FANCE: variants seen among roughly 807,000 people sequenced by gnomAD.
FANCE encodes FA complementation group E.
FANCE carries 42 observed loss-of-function variants against 57.8 expected under a neutral mutation model. The observed-to-expected ratio is 0.73, with a 90% CI of 0.57 to 0.94. FANCE has a LOEUF of 0.94. Ranked by LOEUF, FANCE falls within the 40% of genes least tolerant of loss-of-function variation. The pLI is 0.00. For synonymous variants in FANCE, 251 were observed against 286.4 expected, an observed-to-expected ratio of 0.88 and a Z score of 1.25; for missense variants, 608 against 661.8, an observed-to-expected ratio of 0.92 and a Z score of 0.89.
At position 35,462,880 on chromosome 6, in the gene FANCE, T is replaced by C. The variant is rs753663851; in HGVS notation, c.1475T>C (p.Leu492Pro). Residue 492 changes from leucine (L) to proline (P), a missense_variant, in exon 9 of 10, where the codon CTC becomes CCC. Leu to Pro is a moderately conservative substitution (Grantham distance 98). Transcript: ENST00000229769. ...AATTSMAYAK[L>P]MLTVMTKYQA... is the part of the protein sequence containing the mutation. ...ACCACCTCCATGGCCTATGCCAAGC[T>C]CATGCTGACAGTGATGACCAAGTAT... 1 of 1,614,250 alleles carries C rather than the reference T, an allele frequency of 6.2e-7. No individual in the cohort carries two copies.
chr6:35,454,268 G>T lies in FANCE; in HGVS notation c.248+1475G>T, dbSNP rs190422286. Among the ~76,000 whole-genome samples, 21 of 152,132 alleles carry T rather than the reference G, an allele frequency of 1.4e-4. No individual in the cohort carries two copies. The East Asian group carries it at 4.0e-3, about 29-fold the overall frequency. ...GCAGAGATAGAGTTTCACCATATTGGCTGGGCTGGTCTGGAACTCCTGATC... is the reference window on the plus strand; with the variant it reads ...GCAGAGATAGAGTTTCACCATATTGTCTGGGCTGGTCTGGAACTCCTGATC... On this transcript the variant is annotated intron_variant, in intron 1 of 9. Coordinates refer to ENST00000229769, the MANE Select transcript of FANCE (RefSeq NM_021922.3).
Position 35,452,568 on chromosome 6 carries a change from TC to T in FANCE, c.26del (p.Pro9LeufsTer75). On this transcript the variant is annotated frameshift_variant, in exon 1 of 10. Transcript: ENST00000229769. LOFTEE classifies it high-confidence loss of function. Reference sequence around the variant, plus strand: ...GGCATGGCGACACCGGACGCGGGGCTCCCTGGGGCTGAGGGCGTGGAGCCGG... The same window carrying T: ...GGCATGGCGACACCGGACGCGGGGCTCCTGGGGCTGAGGGCGTGGAGCCGG... MATPDAG[L>X]PGAEGVEPAP... 1.5e-6 allele frequency: 2 copies of T among 1,328,906 alleles called. No homozygotes were observed. The highest frequency in any genetic ancestry group is 2.9e-5 in the Admixed American group (1 of 35,034). 82.3% of individuals were successfully genotyped at this position (1,328,906 alleles called of 1,614,324 possible).
At position 35,459,474 on chromosome 6, in the gene FANCE, C is replaced by G. The variant is rs755688409; in HGVS notation, c.1237+20C>G. 3.1e-6 allele frequency: 5 copies of G among 1,613,756 alleles called. No individual in the cohort carries two copies. In the East Asian group the frequency reaches 8.9e-5, roughly 29 times the overall value. ...GCACAGGTAATTCTGGAACCAGCCC[C>G]AGGCCCAGTAGCTCTGCCCTCAGTG... On this transcript the variant is annotated intron_variant, in intron 6 of 9. Coordinates refer to ENST00000229769, the MANE Select transcript of FANCE (RefSeq NM_021922.3).
intron 5 of FANCE, among the ~76,000 whole-genome samples, chr6:35,459,028 G>A (rs369825904): frequency 5.3e-5 from 8 of 152,266 alleles, no homozygotes; most frequent in African/African-American, 1.7e-4. Flanking sequence ...TGATCCAGCT[G>A]TGTCAGCCTC....
intron 3 of FANCE, 86 bp from the exon 4 acceptor site, chr6:35,457,830 C>T: frequency 8.1e-7 from 1 of 1,228,780 alleles, no homozygotes; most frequent in East Asian, 2.3e-5. Context: ...GGATCTCAGG[C>T]CACTCCTTCT....
chr6:35,452,741 G>A lies in FANCE; in HGVS notation c.196G>A (p.Ala66Thr). ...CTTCGACTGGGGTCGCTTGCTCGAGGCCCTGTGCCGGGAGGAGCCGGTCGT... is the reference window on the plus strand; with the variant it reads ...CTTCGACTGGGGTCGCTTGCTCGAGACCCTGTGCCGGGAGGAGCCGGTCGT... ...EPFDWGRLLE[A>T]LCREEPVVQG... is the part of the protein sequence containing the mutation. Residue 66 changes from alanine to threonine, a missense_variant, in exon 1 of 10, where the codon GCC (alanine) becomes ACC (threonine). Transcript: ENST00000229769. 7.9e-7 allele frequency: 1 copy of A among 1,265,240 alleles called. No homozygotes were observed. Among genetic ancestry groups the A allele is most frequent in the Non-Finnish European group, 1.0e-6 (1 of 1,003,246 alleles). The allele number at this position is 1,265,240 out of a possible 1,614,324, so 78.4% of individuals were successfully genotyped here. A position where few individuals can be genotyped will look rare whatever the true frequency, so the allele number is the denominator to read the frequency against.
chr6:35,455,886 G>A lies in FANCE; in HGVS notation c.388G>A (p.Asp130Asn), dbSNP rs776263525. The stretch of plus-strand genomic sequence containing the variant: ...CCAGCAGGACCTAGCCCCTGACCCA[G>A]ATGCCTGGCTCCGTGCCCTGGGGGA... ...IAQQDLAPDP[D>N]AWLRALGELL... The change falls in exon 2 of 10, where the codon GAT (aspartate) becomes AAT (asparagine). Residue 130 changes from aspartate to asparagine, a missense_variant. Coordinates refer to ENST00000229769, the MANE Select transcript of FANCE (RefSeq NM_021922.3). 1.9e-6 allele frequency: 3 copies of A among 1,614,196 alleles called. No individual in the cohort carries two copies. The highest frequency in any genetic ancestry group is 3.3e-5 in the Admixed American group (2 of 60,018).
chr6:35,461,375 C>T (rs969153396), intron 8 of FANCE, among the ~76,000 whole-genome samples: 8 of 152,150 alleles, frequency 5.3e-5, no homozygotes, highest in African/African-American at 1.9e-4. Flanking sequence ...AAATATTCCC[C>T]TTACTTCTCT....
chr6:35,462,345 G>A (rs899867942), intron 8 of FANCE, among the ~76,000 whole-genome samples: 15 of 151,806 alleles, frequency 9.9e-5, no homozygotes, highest in Admixed American at 9.8e-4. Context: ...GACCTCAGGC[G>A]ATCCACCCGC....
chr6:35,465,986 A>G (rs555054895), intron 9 of FANCE, among the ~76,000 whole-genome samples: 1 of 152,370 alleles, frequency 6.6e-6, no homozygotes, highest in African/African-American at 2.4e-5. Context: ...ATTGATGCAT[A>G]TAAAGTGCTG....
At chr6:35,459,134 G>T (rs1445431663) in intron 5 of FANCE, among the ~76,000 whole-genome samples, 197 bp from the exon 6 acceptor site, 1 of 152,128 alleles carries the variant, frequency 6.6e-6, no homozygotes, top group Non-Finnish European at 1.5e-5. Context: ...AGCTGATCAA[G>T]GGACTTTCAG....
In FANCE at chr6:35,456,420, G is replaced by T. The variant is rs1767346856; in HGVS notation, c.855+67G>T. The T allele has an allele frequency of 6.2e-7, 1 of 1,603,800 alleles. No homozygotes were observed. The highest frequency in any genetic ancestry group is 8.5e-7 in the Non-Finnish European group (1 of 1,171,236). On this transcript the variant is annotated intron_variant, in intron 2 of 9. Coordinates refer to ENST00000229769, the MANE Select transcript of FANCE (RefSeq NM_021922.3). The surrounding 1 kb of genome is among the most constrained non-coding windows in gnomAD (Gnocchi z 4.3). ...AGTGGTGGCTTTATCCATGGGGAAGGCTGCTTGGGACACTTTTTCCCAATG... is the reference window on the plus strand; with the variant it reads ...AGTGGTGGCTTTATCCATGGGGAAGTCTGCTTGGGACACTTTTTCCCAATG...
chr6:35,457,545 C>G lies in FANCE; in HGVS notation c.856-11C>G, dbSNP rs756018135. The G allele has an allele frequency of 5.0e-5, 81 of 1,613,604 alleles. No individual in the cohort carries two copies. The highest frequency in any genetic ancestry group is 6.7e-5 in the Non-Finnish European group (79 of 1,180,006). On this transcript the variant is annotated splice_polypyrimidine_tract_variant and intron_variant, in intron 2 of 9. Coordinates refer to ENST00000229769, the MANE Select transcript of FANCE (RefSeq NM_021922.3). ...GGAGGGACGTAGCAGTGACTGGGCTCTCCTCCACAGGACCAGCTTCCCAGG... is the reference window on the plus strand; with the variant it reads ...GGAGGGACGTAGCAGTGACTGGGCTGTCCTCCACAGGACCAGCTTCCCAGG...
At position 35,456,040 on chromosome 6, in the gene FANCE, C is replaced by A. The variant is rs1767323169; in HGVS notation, c.542C>A (p.Pro181His). 6.2e-7 allele frequency: 1 copy of A among 1,613,012 alleles called. No individual in the cohort carries two copies. The highest frequency in any genetic ancestry group is 2.2e-5 in the East Asian group (1 of 44,834). The change falls in exon 2 of 10, where the codon CCC becomes CAC. Residue 181 changes from proline (P) to histidine (H), a missense_variant. Pro to His is a moderately conservative substitution (Grantham distance 77). Transcript: ENST00000229769. The surrounding 1 kb of genome is among the most constrained non-coding windows in gnomAD (Gnocchi z 4.3). ...LGLGGRRLKS[P>H]QAPDPEEEEN... ...CTGGGGGGCAGGAGGTTGAAATCCC[C>A]CCAGGCTCCAGACCCTGAAGAAGAG... is the stretch of plus-strand genomic sequence containing the variant.
intron 9 of FANCE, among the ~76,000 whole-genome samples, chr6:35,465,949 A>ATGATGTATATGTATGTTTGTATATGGAT (rs1767814485): frequency 6.6e-6 from 1 of 152,224 alleles, no homozygotes; most frequent in Non-Finnish European, 1.5e-5. Flanking sequence ...ATGCATATAT[A>ATGATGTATATGTATGTTTGTATATGGAT]TGATGTATAT....
At chr6:35,455,649 C>G in intron 1 of FANCE, 98 bp from the exon 2 acceptor site, 1 of 1,443,352 alleles carries the variant, frequency 6.9e-7, no homozygotes, top group South Asian at 1.2e-5. Context: ...GTGCCAGCCC[C>G]CATCTGTCCA....
rs1002613212 is a variant in FANCE at position 35,456,295 on chromosome 6, C to T, written c.797C>T (p.Ser266Leu). 12 of 1,614,122 alleles carry T rather than the reference C, an allele frequency of 7.4e-6. No homozygotes were observed. The highest frequency in any genetic ancestry group is 2.2e-5 in the South Asian group (2 of 91,078). ...GCAGTTAAGACTGGCGAGGACGGTT[C>T]GAATCTGGATGATGCTAAAGGTCTG... Reference protein sequence around the residue: ...VMAVKTGEDGSNLDDAKGLAE... With the variant: ...VMAVKTGEDGLNLDDAKGLAE... Residue 266 changes from serine (S) to leucine (L), a missense_variant, in exon 2 of 10, where the codon TCG becomes TTG. Ser to Leu is a moderately radical substitution (Grantham distance 145). Transcript: ENST00000229769. The surrounding 1 kb of genome is among the most constrained non-coding windows in gnomAD (Gnocchi z 4.3).
In FANCE at chr6:35,466,360, A is replaced by AC. The variant is rs1228352461; in HGVS notation, c.*17dup. ...TGGGCCCCTGACCATCCACCAAGGG[A>AC]CCACCCTCTTGGTGCTCCATCACCA... On this transcript the variant is annotated 3_prime_UTR_variant, in exon 10 of 10. Coordinates refer to ENST00000229769, the MANE Select transcript of FANCE (RefSeq NM_021922.3). The AC allele has an allele frequency of 1.3e-6, 2 of 1,516,946 alleles. No homozygotes were observed. The highest frequency in any genetic ancestry group is 9.2e-7 in the Non-Finnish European group (1 of 1,091,390). The allele number at this position is 1,516,946 out of a possible 1,614,324, so 94.0% of individuals were successfully genotyped here.
In FANCE at chr6:35,458,277, C is replaced by G. The variant is rs765193137; in HGVS notation, c.970-20C>G. 5.0e-6 allele frequency: 8 copies of G among 1,612,818 alleles called. No homozygotes were observed. Among genetic ancestry groups the G allele is most frequent in the Non-Finnish European group, 5.1e-6 (6 of 1,179,960 alleles). On this transcript the variant is annotated intron_variant, in intron 4 of 9. Coordinates refer to ENST00000229769, the MANE Select transcript of FANCE (RefSeq NM_021922.3). ...AGTGCATGTCCCGGTGTCCTCTCTC[C>G]CCCCGCACTCTGTAAGCAGATGGAC... is the stretch of plus-strand genomic sequence containing the variant.
Sources: gnomAD v4.1 joint callset for allele counts (sites outside exome capture counted in the v4.1 genomes callset) on GRCh38, gnomAD v4.1.1 for gene constraint, Gnocchi (gnomAD v3.1) non-coding constraint, MANE v1.5 for transcripts, NCBI Gene and HGNC (gene_info 2026-07-23, HGNC 2026-07-21) for gene names.